QKI: variants seen among roughly 807,000 people sequenced by gnomAD.
The protein encoded by QKI is QKI, KH domain containing RNA binding.
QKI carries 10 observed loss-of-function variants against 39.0 expected under a neutral mutation model. That is an observed-to-expected ratio of 0.26 (90% confidence interval 0.16 to 0.43). The LOEUF is 0.43. Among genes scored for constraint, QKI ranks in the 20% least tolerant of loss-of-function variants. The probability of loss-of-function intolerance (pLI) is 1.00; values close to 1 mark genes in which losing one functional copy is unlikely to be tolerated. For synonymous variants in QKI, 204 were observed against 155.4 expected, an observed-to-expected ratio of 1.31 and a Z score of -2.33; for missense variants, 218 against 428.0, an observed-to-expected ratio of 0.51 and a Z score of 4.33.
intron 1 of QKI, among the ~76,000 whole-genome samples, chr6:163,429,960 G>C (rs981584059): frequency 6.6e-6 from 1 of 152,124 alleles, no homozygotes; most frequent in Non-Finnish European, 1.5e-5. Flanking sequence ...ACTAAAGACT[G>C]GTGCTAAAGA....
chr6:163,498,893 T>C (rs1008553737), intron 3 of QKI, among the ~76,000 whole-genome samples: 2 of 152,120 alleles, frequency 1.3e-5, no homozygotes, highest in African/African-American at 2.4e-5. Context: ...TTTGGGTTTT[T>C]TTGGATTTTG....
chr6:163,522,451 AC>A (rs1349217279), intron 3 of QKI, among the ~76,000 whole-genome samples: 1 of 151,636 alleles, frequency 6.6e-6, no homozygotes, highest in Admixed American at 6.6e-5. Context: ...TCTTTCCCCC[AC>A]TCTGTTTTCT....
intron 1 of QKI, among the ~76,000 whole-genome samples, chr6:163,439,869 C>CG (rs1789631830): frequency 6.6e-6 from 1 of 152,010 alleles, no homozygotes; most frequent in South Asian, 2.1e-4. Flanking sequence ...AGGCTGATCT[C>CG]GAACTCCTGA....
At chr6:163,559,153 T>A (rs966985644) in intron 4 of QKI, among the ~76,000 whole-genome samples, 34 of 152,214 alleles carry the variant, frequency 2.2e-4, no homozygotes, top group Admixed American at 2.0e-3. Flanking sequence ...AGCAGTTCAG[T>A]GCCAACATGT....
At chr6:163,539,893 T>G (rs1387210065) in intron 4 of QKI, among the ~76,000 whole-genome samples, 1 of 152,136 alleles carries the variant, frequency 6.6e-6, no homozygotes, top group East Asian at 1.9e-4. Context: ...AGGCTTTTTT[T>G]TAAAAGCCCT....
At chr6:163,483,006 C>G (rs559548444) in intron 3 of QKI, among the ~76,000 whole-genome samples, 108 of 152,270 alleles carry the variant, frequency 7.1e-4, no homozygotes, top group Admixed American at 5.0e-3. Context: ...ACCCATTTGT[C>G]ACTTCATTAT....
chr6:163,549,247 G>A (rs766669698), intron 4 of QKI, among the ~76,000 whole-genome samples: 13 of 152,140 alleles, frequency 8.5e-5, no homozygotes, highest in Middle Eastern at 3.4e-3. Flanking sequence ...AATTTGAGCA[G>A]AGCCAATGTC....
chr6:163,531,596 C>A (rs1780854756), intron 3 of QKI, among the ~76,000 whole-genome samples: 1 of 152,146 alleles, frequency 6.6e-6, no homozygotes, highest in South Asian at 2.1e-4. Context: ...TTTAAGTTAA[C>A]CATCTGCTTT....
chr6:163,469,377 T>G (rs891679522), intron 2 of QKI, among the ~76,000 whole-genome samples: 4 of 152,172 alleles, frequency 2.6e-5, no homozygotes, highest in Non-Finnish European at 4.4e-5. Context: ...AATGCATTTT[T>G]CCAGACATTT....
At chr6:163,493,304 G>T (rs1448403613) in intron 3 of QKI, among the ~76,000 whole-genome samples, 1 of 151,824 alleles carries the variant, frequency 6.6e-6, no homozygotes, top group Admixed American at 6.6e-5. Flanking sequence ...CTAATTTTTT[G>T]TATTTCTAAT....
At chr6:163,455,763 C>T (rs1294897857) in intron 2 of QKI, among the ~76,000 whole-genome samples, 1 of 152,192 alleles carries the variant, frequency 6.6e-6, no homozygotes, top group East Asian at 1.9e-4. Context: ...GCTTGGGCCA[C>T]AGCATTCTTT....
At chr6:163,562,392 T>G (rs944832773) in intron 5 of QKI, among the ~76,000 whole-genome samples, 1 of 152,266 alleles carries the variant, frequency 6.6e-6, no homozygotes, top group Non-Finnish European at 1.5e-5. Flanking sequence ...CTTATCTTGT[T>G]AAATTTATGC....
chr6:163,448,959 ATAAGGT>A (rs1790354444), intron 1 of QKI, among the ~76,000 whole-genome samples: 1 of 152,164 alleles, frequency 6.6e-6, no homozygotes. Context: ...CCCTAAATTC[ATAAGGT>A]TACACACCAG....
At chr6:163,551,444 C>A (rs1267585855) in intron 4 of QKI, among the ~76,000 whole-genome samples, 3 of 152,208 alleles carry the variant, frequency 2.0e-5, no homozygotes, top group Non-Finnish European at 4.4e-5. Context: ...TAGCCTAACT[C>A]TGAGGTTCAA....
At chr6:163,555,737 TAGGC>T (rs1235360382) in intron 4 of QKI, among the ~76,000 whole-genome samples, 2 of 152,212 alleles carry the variant, frequency 1.3e-5, no homozygotes, top group South Asian at 4.1e-4. Flanking sequence ...GCCTTTGTGA[TAGGC>T]AGTGGTTCGA....
intron 4 of QKI, among the ~76,000 whole-genome samples, chr6:163,550,270 G>A (rs1190263109): frequency 2.6e-5 from 4 of 152,130 alleles, no homozygotes; most frequent in African/African-American, 7.2e-5. Flanking sequence ...GTGAGCTAGT[G>A]TGTTCGCCCA....
intron 3 of QKI, among the ~76,000 whole-genome samples, chr6:163,501,380 C>G (rs148345960): frequency 5.9e-5 from 9 of 151,860 alleles, no homozygotes; most frequent in East Asian, 5.8e-4. Flanking sequence ...GAGAATGGGC[C>G]TGATTGCTCA....
At chr6:163,427,670 T>C (rs893974743) in intron 1 of QKI, among the ~76,000 whole-genome samples, 60 of 152,214 alleles carry the variant, frequency 3.9e-4, no homozygotes, top group African/African-American at 1.4e-3. Flanking sequence ...TGCGTGTGTG[T>C]GCCTGCATGT....
rs1250082919 is a variant in QKI, at chr6:163,576,102, T to C, written c.*5392T>C. 6.6e-6 allele frequency: 1 copy of C among 152,202 alleles called. No individual in the cohort carries two copies. Among genetic ancestry groups the C allele is most frequent in the Non-Finnish European group, 1.5e-5 (1 of 68,024 alleles). The allele number at this position is 152,202 out of a possible 1,614,324, so 9.4% of individuals were successfully genotyped here. ...TGTCACGAATTCCTTAATACCTTTA[T>C]TTAAAATGGAAAAAATATGGACAAT... On this transcript the variant is annotated 3_prime_UTR_variant, in exon 8 of 8. Transcript: ENST00000361752.
Sources: allele counts gnomAD v4.1 joint callset (sites outside exome capture counted in the v4.1 genomes callset), GRCh38; gene constraint gnomAD v4.1.1; transcripts MANE v1.5; gene names NCBI Gene and HGNC (gene_info 2026-07-23, HGNC 2026-07-21).